Variants in MEIS2 observed in about 807,000 individuals in gnomAD.
The protein encoded by MEIS2 is Meis homeobox 2, also known as homeobox protein Meis2.
MEIS2 carries 9 observed loss-of-function variants against 58.6 expected under a neutral mutation model. The ratio of observed to expected loss-of-function variants is 0.15; its 90% confidence interval spans 0.09 to 0.27. The LOEUF is 0.27. MEIS2 is among the 10% of genes least tolerant of loss of function. The pLI is 1.00. For missense variants in MEIS2, 427 were observed against 635.0 expected (o/e 0.67, Z 3.52); for synonymous variants, 221 against 228.4 (o/e 0.97, Z 0.29).
intron 8 of MEIS2, among the ~76,000 whole-genome samples, chr15:36,981,880 G>A (rs1318264814): frequency 6.6e-6 from 1 of 151,994 alleles, no homozygotes; most frequent in Non-Finnish European, 1.5e-5. Context: ...ATTTTCTCCT[G>A]ACCTTGTATA....
chr15:37,016,354 A>G (rs1157785120), intron 8 of MEIS2, among the ~76,000 whole-genome samples: 1 of 147,494 alleles, frequency 6.8e-6, no homozygotes, highest in Non-Finnish European at 1.5e-5. Flanking sequence ...TTAACTCTAC[A>G]TTTTCTTTTT....
intron 9 of MEIS2, among the ~76,000 whole-genome samples, chr15:36,949,927 G>C (rs958298447): frequency 6.6e-6 from 1 of 151,948 alleles, no homozygotes; most frequent in African/African-American, 2.4e-5. Context: ...CAAGACAAAA[G>C]AATCCTTTCC....
chr15:36,956,149 G>A (rs1410207537), intron 8 of MEIS2, among the ~76,000 whole-genome samples: 4 of 134,134 alleles, frequency 3.0e-5, no homozygotes, highest in Non-Finnish European at 4.6e-5. Flanking sequence ...TGAGCCGAGC[G>A]ACTCAGTCCA....
At chr15:36,942,099 C>A (rs1445586244) in intron 9 of MEIS2, among the ~76,000 whole-genome samples, 1 of 152,116 alleles carries the variant, frequency 6.6e-6, no homozygotes, top group Non-Finnish European at 1.5e-5. Flanking sequence ...AGAGAAAGAA[C>A]CTTGCATGTG....
Position 36,930,233 on chromosome 15 carries a change from GAAAA to G in MEIS2, c.977+20087_977+20090del, listed in dbSNP as rs944116128. Among the ~76,000 whole-genome samples, 10 of 137,496 alleles carry G rather than the reference GAAAA, an allele frequency of 7.3e-5. No individual in the cohort carries two copies. The East Asian group carries it at 8.8e-4, about 12-fold the overall frequency. The allele number at this position is 137,496 out of a possible 152,430, so 90.2% of individuals were successfully genotyped here. A position where few individuals can be genotyped will look rare whatever the true frequency, so the allele number is the denominator to read the frequency against. ...AAAAAAAAAAAAAGAGAGAGAGAGAGAAAAAAAAAGTTATCCACAGAGAATAAAC... is the reference window on the plus strand; with the variant it reads ...AAAAAAAAAAAAAGAGAGAGAGAGAGAAAAAGTTATCCACAGAGAATAAAC... On this transcript the variant is annotated intron_variant, in intron 9 of 11. Coordinates refer to ENST00000561208, the MANE Select transcript of MEIS2 (RefSeq NM_170675.5).
intron 2 of MEIS2, 138 bp from the exon 3 acceptor site, chr15:37,096,568 T>G: frequency 9.5e-7 from 1 of 1,050,662 alleles, no homozygotes; most frequent in Non-Finnish European, 1.3e-6. Flanking sequence ...TTTACAACCC[T>G]TCCTCCATCA....
At position 36,955,918 on chromosome 15, in the gene MEIS2, C is replaced by T. The variant is rs550470750; in HGVS notation, c.901-5518G>A. ...TGGGGCCGGGTGCGGTGGCTCATGC[C>T]TGTAATCTCAGCACTTTGGGAGGCT... On this transcript the variant is annotated intron_variant, in intron 8 of 11. Coordinates refer to ENST00000561208, the MANE Select transcript of MEIS2 (RefSeq NM_170675.5). Among the ~76,000 whole-genome samples the T allele has an allele frequency of 1.0e-4, 15 of 149,202 alleles. No homozygotes were observed. The South Asian group carries it at 3.2e-3, about 32-fold the overall frequency.
At chr15:36,920,118 TTTTATTTATTTATTTA>T (rs199959581) in intron 9 of MEIS2, among the ~76,000 whole-genome samples, 37 of 134,730 alleles carry the variant, frequency 2.7e-4, no homozygotes, top group African/African-American at 4.8e-4. Flanking sequence ...CCTATACTGC[TTTTATTTATTTATTTA>T]TTTATTTATT....
chr15:37,010,151 G>A (rs185073324), intron 8 of MEIS2, among the ~76,000 whole-genome samples: 151 of 152,064 alleles, frequency 9.9e-4, no homozygotes, highest in Non-Finnish European at 1.8e-3. Flanking sequence ...GCAGTGGCGC[G>A]ATCTCGGCTC....
chr15:36,975,897 A>G (rs1303448973), intron 8 of MEIS2, among the ~76,000 whole-genome samples: 7 of 152,324 alleles, frequency 4.6e-5, no homozygotes, highest in Non-Finnish European at 8.8e-5. Flanking sequence ...AAAGTATGTG[A>G]GGGAATGCAT....
intron 9 of MEIS2, among the ~76,000 whole-genome samples, chr15:36,902,736 A>AT (rs1419594680): frequency 1.3e-5 from 2 of 152,176 alleles, no homozygotes; most frequent in African/African-American, 4.8e-5. Context: ...AAAAATGCAC[A>AT]TACTCTTCTC....
chr15:37,070,092 G>A (rs1417049326), intron 7 of MEIS2, among the ~76,000 whole-genome samples: 1 of 152,220 alleles, frequency 6.6e-6, no homozygotes, highest in Non-Finnish European at 1.5e-5. Flanking sequence ...ACATTTTAGA[G>A]GGTGTAACCA....
At chr15:37,062,676 A>G (rs1889380784) in intron 7 of MEIS2, among the ~76,000 whole-genome samples, 1 of 152,226 alleles carries the variant, frequency 6.6e-6, no homozygotes. Flanking sequence ...TTCTAATTTT[A>G]TCCTAGTGAG....
intron 1 of MEIS2, 118 bp from the exon 2 acceptor site, chr15:37,098,317 A>G: frequency 7.7e-7 from 1 of 1,302,188 alleles, no homozygotes. Context: ...GAAGGGATAA[A>G]GATGAGAGAG....
At chr15:37,064,731 T>C (rs1235581478) in intron 7 of MEIS2, among the ~76,000 whole-genome samples, 1 of 152,190 alleles carries the variant, frequency 6.6e-6, no homozygotes, top group Non-Finnish European at 1.5e-5. Flanking sequence ...GATTGGAGTA[T>C]CAAAAGCCAT....
intron 8 of MEIS2, among the ~76,000 whole-genome samples, chr15:37,004,956 CA>C (rs1167092601): frequency 6.6e-6 from 1 of 150,856 alleles, no homozygotes; most frequent in African/African-American, 2.4e-5. Flanking sequence ...GTACTTCCCC[CA>C]AATATGTACA....
chr15:37,038,290 T>G (rs1170653620), intron 7 of MEIS2, among the ~76,000 whole-genome samples: 1 of 152,162 alleles, frequency 6.6e-6, no homozygotes, highest in African/African-American at 2.4e-5. Context: ...CCAGACCTGC[T>G]CCCTCCTCTC....
At chr15:37,061,634 C>A (rs987407822) in intron 7 of MEIS2, among the ~76,000 whole-genome samples, 2 of 152,120 alleles carry the variant, frequency 1.3e-5, no homozygotes, top group African/African-American at 4.8e-5. Flanking sequence ...AGCATAAAAT[C>A]TTTCAATACT....
intron 7 of MEIS2, among the ~76,000 whole-genome samples, chr15:37,043,210 T>C (rs1359623045): frequency 6.6e-6 from 1 of 152,218 alleles, no homozygotes; most frequent in Non-Finnish European, 1.5e-5. Context: ...CCAGGTTTAA[T>C]AGTTAAATAT....
Sources: allele counts gnomAD v4.1 joint callset (sites outside exome capture counted in the v4.1 genomes callset), GRCh38; gene constraint gnomAD v4.1.1; transcripts MANE v1.5; gene names NCBI Gene and HGNC (gene_info 2026-07-23, HGNC 2026-07-21).